The following FSIP2 variants were observed in gnomAD, a reference collection of about 807,000 sequenced individuals.
FSIP2 encodes the protein fibrous sheath interacting protein 2, also known as fibrous sheath-interacting protein 2.
In FSIP2, 367 loss-of-function variants were observed where a neutral mutation model predicts 510.5. The observed-to-expected ratio is 0.72, with a 90% CI of 0.66 to 0.78. The LOEUF (loss-of-function observed/expected upper bound fraction) is 0.78, where lower values mean the gene tolerates loss of function less well. Among genes scored for constraint, FSIP2 ranks in the 30% least tolerant of loss-of-function variants. The pLI, the probability that FSIP2 is intolerant of heterozygous loss-of-function variation, is 0.00. For missense variants in FSIP2, 7,594 were observed against 7,901.7 expected (o/e 0.96, Z 1.48); for synonymous variants, 2,601 against 2,732.2 (o/e 0.95, Z 1.50).
intron 17 of FSIP2, among the ~76,000 whole-genome samples, chr2:185,811,829 C>G (rs1035259941): frequency 3.3e-5 from 5 of 152,170 alleles, no homozygotes; most frequent in African/African-American, 9.6e-5. Flanking sequence ...AAAGCATAGC[C>G]TTGGTGGTTT....
chr2:185,770,481 G>A (rs2105574606), intron 13 of FSIP2, among the ~76,000 whole-genome samples: 1 of 152,240 alleles, frequency 6.6e-6, no homozygotes, highest in East Asian at 1.9e-4. Flanking sequence ...TGAGAAAGCA[G>A]CAGTGGGTGG....
At position 185,804,310 on chromosome 2, in the gene FSIP2, T is replaced by C; in HGVS notation, c.15004T>C (p.Leu5002=). The part of the protein sequence containing the change: ...IVLEFTTSEI[L]VADNFDKNLC... ...TCTGGAGTTCACCACATCAGAGATT[T>C]TAGTTGCAGATAACTTTGATAAAAA... Residue 5002 remains leucine (L), a synonymous_variant, in exon 17 of 23, where the codon TTA becomes CTA. Transcript: ENST00000424728. 4 of 1,513,552 alleles carry C rather than the reference T, an allele frequency of 2.6e-6. No individual in the cohort carries two copies. The highest frequency in any genetic ancestry group is 2.6e-6 in the Non-Finnish European group (3 of 1,138,618). The allele number at this position is 1,513,552 out of a possible 1,614,324, so 93.8% of individuals were successfully genotyped here. A position where few individuals can be genotyped will look rare whatever the true frequency, so the allele number is the denominator to read the frequency against.
intron 12 of FSIP2, 37 bp downstream of exon 12, chr2:185,763,326 A>G (rs1246052613): frequency 3.7e-6 from 3 of 803,514 alleles, no homozygotes; most frequent in African/African-American, 1.7e-5. Context: ...TACAAACACA[A>G]TAAAAGGGAT....
At position 185,824,437 on chromosome 2, in the gene FSIP2, G is replaced by A; in HGVS notation, c.20430G>A (p.Glu6810=). 1 of 1,588,918 alleles carries A rather than the reference G, an allele frequency of 6.3e-7. No individual in the cohort carries two copies. The highest frequency in any genetic ancestry group is 8.6e-7 in the Non-Finnish European group (1 of 1,165,192). The change falls in exon 20 of 23, where the codon GAG becomes GAA. Residue 6810 remains glutamate (E), a synonymous_variant. Coordinates refer to ENST00000424728, the MANE Select transcript of FSIP2 (RefSeq NM_173651.4). Reference sequence around the variant, plus strand: ...TGTTCTTTTTCTTTTGTTTTAGTGAGGCTGAAGATTGTCACTCAGACCCAA... The same window carrying A: ...TGTTCTTTTTCTTTTGTTTTAGTGAAGCTGAAGATTGTCACTCAGACCCAA... ...NQEDLISSTG[E]AEDCHSDPSA...
intron 19 of FSIP2, among the ~76,000 whole-genome samples, chr2:185,822,237 A>G (rs959112297): frequency 1.3e-5 from 2 of 151,962 alleles, no homozygotes; most frequent in African/African-American, 4.8e-5. Context: ...ATTAGGCAAG[A>G]AAAAGGGGGA....
intron 13 of FSIP2, among the ~76,000 whole-genome samples, 162 bp from the exon 14 acceptor site, chr2:185,782,543 T>TA (rs140906899): frequency 0.19 from 28,403 of 152,128 alleles, 2,976 homozygotes; most frequent in Non-Finnish European, 0.23. Context: ...GATCTTACAG[T>TA]ACAGGTCCTT....
intron 14 of FSIP2, among the ~76,000 whole-genome samples, chr2:185,785,764 T>C (rs1375948499): frequency 6.6e-6 from 1 of 152,038 alleles, no homozygotes. Flanking sequence ...AGTTACTGAA[T>C]AAGCATTCAC....
At position 185,806,211 on chromosome 2, in the gene FSIP2, G is replaced by A; in HGVS notation, c.16905G>A (p.Lys5635=). The A allele has an allele frequency of 6.2e-7, 1 of 1,604,324 alleles. No individual in the cohort carries two copies. The highest frequency in any genetic ancestry group is 8.5e-7 in the Non-Finnish European group (1 of 1,176,268). The change falls in exon 17 of 23, where the codon AAG becomes AAA. Residue 5635 remains lysine, a synonymous_variant. Transcript: ENST00000424728. ...TTCAGTTATCCTCCTTGAAGTCCAAGAGAAATCTAGGGACTACAACAGATA... is the reference window on the plus strand; with the variant it reads ...TTCAGTTATCCTCCTTGAAGTCCAAAAGAAATCTAGGGACTACAACAGATA... ...KLFQLSSLKS[K]RNLGTTTDTL...
chr2:185,766,475 AAAAC>A (rs1256778980), intron 13 of FSIP2: 16 of 148,808 alleles, frequency 1.1e-4, no homozygotes, highest in African/African-American at 2.7e-4. Flanking sequence ...TTACAAGAAA[AAAAC>A]AAACAACCCC....
chr2:185,792,971 C>G lies in FSIP2; in HGVS notation c.5835C>G (p.Asn1945Lys). The change falls in exon 16 of 23, where the codon AAC becomes AAG. Residue 1945 changes from asparagine to lysine, a missense_variant. By Grantham distance (94) the Asn-to-Lys change is moderately conservative. Transcript: ENST00000424728. ...AATCTCTCTTTTATTCTCAAGTCAA[C>G]TTTACAGTTCCAGTGGCTTTACCTA... is the stretch of plus-strand genomic sequence containing the variant. The part of the protein sequence containing the change: ...KVKSLFYSQV[N>K]FTVPVALPIQ... 2 of 1,534,356 alleles carry G rather than the reference C, an allele frequency of 1.3e-6. No individual in the cohort carries two copies. Among genetic ancestry groups the G allele is most frequent in the Non-Finnish European group, 1.7e-6 (2 of 1,145,684 alleles).
chr2:185,820,101 G>A (rs963826459), intron 19 of FSIP2, among the ~76,000 whole-genome samples: 1 of 151,900 alleles, frequency 6.6e-6, no homozygotes, highest in Admixed American at 6.6e-5. Flanking sequence ...ATCTTCAATT[G>A]TTCTTCCCAT....
At position 185,796,061 on chromosome 2, in the gene FSIP2, G is replaced by C. The variant is rs2105626280; in HGVS notation, c.8925G>C (p.Lys2975Asn). Reference sequence around the variant, plus strand: ...GCAGTTTACCAATCTATAACACAAAGACAAAAGACCAAATTTCTGTGGGCT... The same window carrying C: ...GCAGTTTACCAATCTATAACACAAACACAAAAGACCAAATTTCTGTGGGCT... ...SLSSLPIYNT[K>N]TKDQISVGSS... The change falls in exon 16 of 23, where the codon AAG becomes AAC. Residue 2975 changes from lysine to asparagine, a missense_variant. Lys to Asn is a moderately conservative substitution (Grantham distance 94). Coordinates refer to ENST00000424728, the MANE Select transcript of FSIP2 (RefSeq NM_173651.4). 2 of 1,531,452 alleles carry C rather than the reference G, an allele frequency of 1.3e-6. No individual in the cohort carries two copies. The highest frequency in any genetic ancestry group is 8.7e-7 in the Non-Finnish European group (1 of 1,145,262). The allele number at this position is 1,531,452 out of a possible 1,614,324, so 94.9% of individuals were successfully genotyped here. A position where few individuals can be genotyped will look rare whatever the true frequency, so the allele number is the denominator to read the frequency against.
At chr2:185,760,063 A>G (rs555782210) in intron 9 of FSIP2, among the ~76,000 whole-genome samples, 1 of 150,806 alleles carries the variant, frequency 6.6e-6, no homozygotes, top group African/African-American at 2.4e-5. Flanking sequence ...TACATTTTTC[A>G]TGTATTTCTT....
chr2:185,748,541 C>G (rs1169618737), intron 7 of FSIP2, among the ~76,000 whole-genome samples: 1 of 151,936 alleles, frequency 6.6e-6, no homozygotes, highest in Non-Finnish European at 1.5e-5. Flanking sequence ...AACTGCACAT[C>G]TCTGGGCGGC....
chr2:185,789,347 A>G lies in FSIP2; in HGVS notation c.2211A>G (p.Gln737=). The G allele has an allele frequency of 6.5e-7, 1 of 1,534,996 alleles. No individual in the cohort carries two copies. ...TTACTGCTGAAGTTTTTGTTGAACA[A>G]TGTGAACGTGAAAAAGAAATCTTGC... ...SSVTAEVFVE[Q]CEREKEILLS... The change falls in exon 16 of 23, where the codon CAA becomes CAG. Residue 737 remains glutamine (Q), a synonymous_variant. Coordinates refer to ENST00000424728, the MANE Select transcript of FSIP2 (RefSeq NM_173651.4).
chr2:185,780,010 T>C (rs1245226715), intron 13 of FSIP2, among the ~76,000 whole-genome samples: 1 of 151,272 alleles, frequency 6.6e-6, no homozygotes, highest in Admixed American at 6.6e-5. Flanking sequence ...GAGGCAGAGG[T>C]TGCAGTGAGC....
At chr2:185,768,849 T>G (rs1692550159) in intron 13 of FSIP2, among the ~76,000 whole-genome samples, 1 of 152,166 alleles carries the variant, frequency 6.6e-6, no homozygotes, top group African/African-American at 2.4e-5. Flanking sequence ...TTTCTCATCA[T>G]TTAGCTCCCA....
rs182188866 is a variant in FSIP2, at chr2:185,832,345, T to G, written c.20587+463T>G. On this transcript the variant is annotated intron_variant, in intron 22 of 22. Transcript: ENST00000424728. ...GCAGGGGTGTGTGGCTTATGGGAGA[T>G]GGCATGCTGCCTTTGAAGGAGGCAG... Among the ~76,000 whole-genome samples the G allele has an allele frequency of 7.6e-4, 115 of 151,982 alleles. 2 individuals are homozygous for G. The highest frequency in any genetic ancestry group is 3.9e-3 in the Admixed American group (60 of 15,224).
intron 8 of FSIP2, 134 bp downstream of exon 8, chr2:185,753,976 A>G: frequency 2.0e-6 from 1 of 510,666 alleles, no homozygotes; most frequent in Non-Finnish European, 3.1e-6. Flanking sequence ...GCATTTCTGT[A>G]GTATAGTTCA....
Sources: gnomAD v4.1 joint callset for allele counts (sites outside exome capture counted in the v4.1 genomes callset) on GRCh38, gnomAD v4.1.1 for gene constraint, MANE v1.5 for transcripts, NCBI Gene and HGNC (gene_info 2026-07-23, HGNC 2026-07-21) for gene names.